The following ANO2 variants were observed in gnomAD, a reference collection of about 807,000 sequenced individuals.
The protein encoded by ANO2 is anoctamin-2.
A neutral mutation model predicts 124.2 loss-of-function variants in ANO2; 101 were observed. That is an observed-to-expected ratio of 0.81 (90% CI 0.69 to 0.96). The LOEUF (loss-of-function observed/expected upper bound fraction) is 0.96, where lower values mean the gene tolerates loss of function less well. ANO2 is among the 40% of genes least tolerant of loss of function. The pLI is 0.00. For synonymous variants in ANO2, 486 were observed against 482.5 expected, an observed-to-expected ratio of 1.01 and a Z score of -0.09; for missense variants, 1,293 against 1,274.5, an observed-to-expected ratio of 1.01 and a Z score of -0.22.
chr12:5,739,438 T>C (rs768860160), intron 12 of ANO2, 39 bp from the exon 13 acceptor site: 29 of 1,530,190 alleles, frequency 1.9e-5, no homozygotes, highest in Non-Finnish European at 2.6e-5. Flanking sequence ...TTGATTATTT[T>C]TGAAGAGTGG....
intron 10 of ANO2, among the ~76,000 whole-genome samples, chr12:5,777,180 C>T (rs1436658753): frequency 6.6e-6 from 1 of 152,144 alleles, no homozygotes; most frequent in African/African-American, 2.4e-5. Flanking sequence ...AAGAAGTTTA[C>T]AGGGTCCAGT....
chr12:5,724,067 T>C (rs1950339884), intron 14 of ANO2, among the ~76,000 whole-genome samples: 1 of 152,088 alleles, frequency 6.6e-6, no homozygotes, highest in South Asian at 2.1e-4. Flanking sequence ...GTATCCTAAT[T>C]CAGCCCTTAA....
chr12:5,846,125 G>A lies in ANO2; in HGVS notation c.633+7918C>T, dbSNP rs79679625. Among the ~76,000 whole-genome samples, 1,411 of 152,272 alleles carry A rather than the reference G, an allele frequency of 9.3e-3. 13 individuals are homozygous for A. Among genetic ancestry groups the A allele is most frequent in the African/African-American group, 0.032 (1,335 of 41,540 alleles). On this transcript the variant is annotated intron_variant, in intron 4 of 24. Coordinates refer to ENST00000682330, the MANE Select transcript of ANO2 (RefSeq NM_001364791.2). ...CTTCTTTGCAGACACCTCTTACTGA[G>A]GCAGAAGCTGTTACTTAAGCCAATT...
intron 10 of ANO2, among the ~76,000 whole-genome samples, chr12:5,798,196 G>C (rs1393582103): frequency 6.6e-6 from 1 of 151,926 alleles, no homozygotes; most frequent in Admixed American, 6.6e-5. Flanking sequence ...CCAGAGAACA[G>C]TCTAGGTGGC....
chr12:5,593,097 G>A (rs1943485711), intron 20 of ANO2, among the ~76,000 whole-genome samples: 1 of 152,180 alleles, frequency 6.6e-6, no homozygotes, highest in African/African-American at 2.4e-5. Context: ...AAGTAAACAT[G>A]CAATCATGGA....
At chr12:5,686,260 T>G (rs958695312) in intron 14 of ANO2, among the ~76,000 whole-genome samples, 1 of 152,152 alleles carries the variant, frequency 6.6e-6, no homozygotes, top group African/African-American at 2.4e-5. Context: ...GCAGGACCAC[T>G]ACCCACATCA....
chr12:5,784,772 G>A (rs186455087), intron 10 of ANO2, among the ~76,000 whole-genome samples: 21 of 152,292 alleles, frequency 1.4e-4, no homozygotes, highest in East Asian at 1.2e-3. Context: ...CTCCCCAGAC[G>A]TGCTGTTCAA....
At chr12:5,700,487 A>G (rs1295137529) in intron 14 of ANO2, among the ~76,000 whole-genome samples, 1 of 152,240 alleles carries the variant, frequency 6.6e-6, no homozygotes, top group African/African-American at 2.4e-5. Flanking sequence ...AAGAGAAAGC[A>G]GGAAAGATCT....
chr12:5,770,902 T>G (rs991010316), intron 10 of ANO2, among the ~76,000 whole-genome samples: 1 of 152,116 alleles, frequency 6.6e-6, no homozygotes, highest in Non-Finnish European at 1.5e-5. Context: ...TGTGCCCTCT[T>G]CTCATGCTCA....
intron 16 of ANO2, among the ~76,000 whole-genome samples, chr12:5,631,214 T>G (rs1945702368): frequency 6.6e-6 from 1 of 152,228 alleles, no homozygotes; most frequent in Non-Finnish European, 1.5e-5. Context: ...CTGATCAGCA[T>G]CCAATGAATA....
chr12:5,821,876 C>A (rs577076098), intron 7 of ANO2, among the ~76,000 whole-genome samples: 1 of 152,276 alleles, frequency 6.6e-6, no homozygotes, highest in African/African-American at 2.4e-5. Flanking sequence ...AAGTAAGTTA[C>A]ATGAGAAAGT....
intron 10 of ANO2, among the ~76,000 whole-genome samples, chr12:5,781,021 T>C (rs962757386): frequency 6.6e-6 from 1 of 152,208 alleles, no homozygotes; most frequent in African/African-American, 2.4e-5. Flanking sequence ...TCATAGAAAG[T>C]GTGAGAGTTT....
At chr12:5,873,670 G>C (rs540019169) in intron 3 of ANO2, among the ~76,000 whole-genome samples, 1 of 152,360 alleles carries the variant, frequency 6.6e-6, no homozygotes, top group East Asian at 1.9e-4. Flanking sequence ...GACAAATGAG[G>C]TGTTTCTGTC....
chr12:5,575,712 T>G (rs1942360107), intron 23 of ANO2, 122 bp downstream of exon 23: 2 of 1,082,696 alleles, frequency 1.8e-6, no homozygotes. Context: ...GCCATATATG[T>G]GGTCTGCTGT....
intron 9 of ANO2, among the ~76,000 whole-genome samples, chr12:5,801,152 A>G (rs1953026002): frequency 6.6e-6 from 1 of 152,172 alleles, no homozygotes; most frequent in Non-Finnish European, 1.5e-5. Flanking sequence ...GTCACTGATC[A>G]CCTTGACAAG....
At chr12:5,944,452 C>G (rs1943014307) in intron 1 of ANO2, among the ~76,000 whole-genome samples, 1 of 152,180 alleles carries the variant, frequency 6.6e-6, no homozygotes, top group African/African-American at 2.4e-5. Context: ...TTGTTCATGC[C>G]AAAGGAGCGG....
At chr12:5,639,703 A>G (rs1946231359) in intron 15 of ANO2, among the ~76,000 whole-genome samples, 1 of 152,158 alleles carries the variant, frequency 6.6e-6, no homozygotes, top group Non-Finnish European at 1.5e-5. Context: ...GCAGGCAGCC[A>G]GGAGGGGGCC....
chr12:5,625,844 G>A (rs2136924469), intron 16 of ANO2, among the ~76,000 whole-genome samples: 1 of 152,244 alleles, frequency 6.6e-6, no homozygotes, highest in East Asian at 1.9e-4. Flanking sequence ...ACTCTGGGCT[G>A]GAAGTCAGAA....
rs1940542905 is a variant in ANO2, at chr12:5,904,540, G to A, written c.534+16500C>T. 2.6e-5 allele frequency among the ~76,000 whole-genome samples: 4 copies of A among 152,294 alleles called. No individual in the cohort carries two copies. The highest frequency in any genetic ancestry group is 2.0e-4 in the Admixed American group (3 of 15,302). On this transcript the variant is annotated intron_variant, in intron 3 of 24. Transcript: ENST00000682330. The surrounding 1 kb of genome is among the most constrained non-coding windows in gnomAD (Gnocchi z 4.1). ...GAATGAGCGGCGCACACACCTGTGG[G>A]TTTATCCCAGTACTGCTTCCGGGGG...
Sources: allele counts gnomAD v4.1 joint callset (sites outside exome capture counted in the v4.1 genomes callset), GRCh38; gene constraint gnomAD v4.1.1; non-coding constraint Gnocchi (gnomAD v3.1); transcripts MANE v1.5; gene names NCBI Gene and HGNC (gene_info 2026-07-23, HGNC 2026-07-21).